STK10: variants seen among roughly 807,000 people sequenced by gnomAD.
The protein encoded by STK10 is serine/threonine kinase 10, also known as serine/threonine-protein kinase 10.
In STK10, 78 loss-of-function variants were observed where a neutral mutation model predicts 113.8. That is an observed-to-expected ratio of 0.69 (90% confidence interval 0.57 to 0.83). The LOEUF (loss-of-function observed/expected upper bound fraction) is 0.83. Ranked by LOEUF, STK10 falls within the 40% of genes least tolerant of loss-of-function variation. The pLI is 0.00. For synonymous variants in STK10, 465 were observed against 494.7 expected, an observed-to-expected ratio of 0.94 and a Z score of 0.80; for missense variants, 1,109 against 1,280.1, an observed-to-expected ratio of 0.87 and a Z score of 2.04.
intron 18 of STK10, chr5:172,045,542 C>T (rs373705675): frequency 2.6e-5 from 11 of 421,228 alleles, no homozygotes; most frequent in South Asian, 1.6e-4. Flanking sequence ...CCCAGAGGTT[C>T]GGATTTTGAA....
Position 172,056,975 on chromosome 5 carries a change from G to GAA in STK10, c.2337+372_2337+373dup. 4 of 97,102 alleles carry GAA rather than the reference G, an allele frequency of 4.1e-5. 1 individual carries two copies. The Admixed American group carries it at 4.4e-4, about 11-fold the overall frequency. The allele number at this position is 97,102 out of a possible 1,614,324, so 6.0% of individuals were successfully genotyped here. ...AGAAGGAAAGAAAGAAAGAAAGAAA[G>GAA]AAAGAAAGAAAGAAAGAAAGAGAAA... is the stretch of plus-strand genomic sequence containing the variant. On this transcript the variant is annotated intron_variant, in intron 15 of 18. Transcript: ENST00000176763.
intron 18 of STK10, chr5:172,045,615 C>T (rs911133935): frequency 1.1e-4 from 36 of 318,568 alleles, no homozygotes; most frequent in African/African-American, 7.2e-4. Flanking sequence ...CAGAGGAGAG[C>T]TCTAGTTGAA....
At chr5:172,050,978 G>T (rs1458747476) in intron 18 of STK10, among the ~76,000 whole-genome samples, 2 of 152,040 alleles carry the variant, frequency 1.3e-5, no homozygotes, top group Non-Finnish European at 2.9e-5. Flanking sequence ...TAGGAGTGGT[G>T]GCGGGTGCCT....
chr5:172,152,036 G>C (rs1008931616), intron 2 of STK10, among the ~76,000 whole-genome samples: 2 of 152,206 alleles, frequency 1.3e-5, no homozygotes, highest in Non-Finnish European at 2.9e-5. Flanking sequence ...CACCTCATGA[G>C]AGAGGCTTTC....
At chr5:172,164,447 T>C (rs1770528415) in intron 1 of STK10, among the ~76,000 whole-genome samples, 1 of 152,050 alleles carries the variant, frequency 6.6e-6, no homozygotes, top group African/African-American at 2.4e-5. Context: ...TTTACAACTC[T>C]CTATTAAGGG....
intron 12 of STK10, among the ~76,000 whole-genome samples, chr5:172,078,149 G>A (rs1561797780): frequency 2.6e-5 from 4 of 152,244 alleles, no homozygotes; most frequent in Admixed American, 1.3e-4. Context: ...TTTGGAATCA[G>A]AGAAGGAGTT....
intron 2 of STK10, among the ~76,000 whole-genome samples, chr5:172,129,943 T>G (rs1192775517): frequency 2.0e-5 from 3 of 152,190 alleles, no homozygotes; most frequent in African/African-American, 7.2e-5. Flanking sequence ...TCACTATGAT[T>G]CTTTCCTTGA....
chr5:172,138,746 C>T (rs1057482711), intron 2 of STK10, among the ~76,000 whole-genome samples: 5 of 152,120 alleles, frequency 3.3e-5, no homozygotes, highest in Admixed American at 6.6e-5. Context: ...GGCGCGGTGG[C>T]TCACACCTGT....
chr5:172,067,705 T>C (rs927180959), intron 12 of STK10, among the ~76,000 whole-genome samples: 1 of 151,834 alleles, frequency 6.6e-6, no homozygotes, highest in African/African-American at 2.4e-5. Flanking sequence ...AATAAAACAA[T>C]AGTGGAATGG....
chr5:172,161,548 A>G (rs1000711286), intron 1 of STK10, among the ~76,000 whole-genome samples: 1 of 152,026 alleles, frequency 6.6e-6, no homozygotes, highest in Non-Finnish European at 1.5e-5. Context: ...TTAGATAAAT[A>G]TTTCTTTCAT....
At chr5:172,081,625 C>T (rs1188891440) in intron 12 of STK10, among the ~76,000 whole-genome samples, 2 of 152,118 alleles carry the variant, frequency 1.3e-5, no homozygotes, top group East Asian at 1.9e-4. Flanking sequence ...GGGATGCCCC[C>T]GAATGTCATG....
Position 172,064,857 on chromosome 5 carries a change from A to C in STK10, c.1990-45T>G, listed in dbSNP as rs751793153. The stretch of plus-strand genomic sequence containing the variant: ...GAGTAGCTGGGTCAGGGTCCTCTCC[A>C]TGCTTCCTACAGTATAATCTTCAAC... On this transcript the variant is annotated intron_variant, in intron 12 of 18. Coordinates refer to ENST00000176763, the MANE Select transcript of STK10 (RefSeq NM_005990.4). The C allele has an allele frequency of 4.4e-6, 7 of 1,594,640 alleles. 1 individual carries two copies. Among genetic ancestry groups the C allele is most frequent in the African/African-American group, 1.3e-5 (1 of 74,628 alleles).
intron 4 of STK10, among the ~76,000 whole-genome samples, chr5:172,111,889 A>G (rs1769245413): frequency 6.6e-6 from 1 of 152,264 alleles, no homozygotes; most frequent in African/African-American, 2.4e-5. Context: ...TATGTAAAAA[A>G]TAAAACTGGG....
chr5:172,090,177 C>T, intron 10 of STK10, 55 bp downstream of exon 10: 1 of 1,603,338 alleles, frequency 6.2e-7, no homozygotes, highest in Non-Finnish European at 8.5e-7. Context: ...AATGCCCACT[C>T]CTCTTACCAT....
intron 2 of STK10, among the ~76,000 whole-genome samples, chr5:172,147,995 T>C (rs1770120667): frequency 6.6e-6 from 1 of 152,140 alleles, no homozygotes; most frequent in African/African-American, 2.4e-5. Context: ...GGTTCACACA[T>C]CTGTTGGCTG....
chr5:172,136,760 G>C (rs2113797032), intron 2 of STK10, among the ~76,000 whole-genome samples: 1 of 152,070 alleles, frequency 6.6e-6, no homozygotes, highest in South Asian at 2.1e-4. Context: ...TCTACTACAA[G>C]GGTTTGTGAT....
At position 172,049,488 on chromosome 5, in the gene STK10, G is replaced by C. The variant is rs78559312; in HGVS notation, c.2766+3441C>G. Among the ~76,000 whole-genome samples, 121 of 152,080 alleles carry C rather than the reference G, an allele frequency of 8.0e-4. 2 individuals are homozygous for C. The East Asian group carries it at 0.022, about 28-fold the overall frequency. On this transcript the variant is annotated intron_variant, in intron 18 of 18. Transcript: ENST00000176763. ...ACGAGGGAAGCGCATATGGCATGGA[G>C]ATCTATTTGGGTACTGAAATCTGCT...
intron 4 of STK10, among the ~76,000 whole-genome samples, chr5:172,116,187 TCTC>T (rs1769379935): frequency 6.6e-6 from 1 of 152,182 alleles, no homozygotes; most frequent in Admixed American, 6.5e-5. Flanking sequence ...TTCAAGCGAT[TCTC>T]CTGTCTCAGC....
intron 1 of STK10, among the ~76,000 whole-genome samples, chr5:172,173,200 G>A (rs1418210521): frequency 6.6e-6 from 1 of 152,156 alleles, no homozygotes; most frequent in South Asian, 2.1e-4. Flanking sequence ...GTTGTGGGGA[G>A]GGCAGTGAGG....
Sources: gnomAD v4.1 joint callset for allele counts (sites outside exome capture counted in the v4.1 genomes callset) on GRCh38, gnomAD v4.1.1 for gene constraint, MANE v1.5 for transcripts, NCBI Gene and HGNC (gene_info 2026-07-23, HGNC 2026-07-21) for gene names.